Variants in FBXO24 observed in about 807,000 individuals in gnomAD.
FBXO24 encodes the protein F-box only protein 24.
In FBXO24, 30 loss-of-function variants were observed where a neutral mutation model predicts 63.5. The observed-to-expected ratio is 0.47, with a 90% CI of 0.35 to 0.64. FBXO24 has a LOEUF of 0.64. Ranked by LOEUF, FBXO24 falls within the 30% of genes least tolerant of loss-of-function variation. The probability of loss-of-function intolerance (pLI) is 0.00; values close to 1 mark genes in which losing one functional copy is unlikely to be tolerated. For synonymous variants in FBXO24, 300 were observed against 305.0 expected (o/e 0.98, Z 0.17); for missense variants, 624 against 763.4 (o/e 0.82, Z 2.15).
At position 100,600,878 on chromosome 7, in the gene FBXO24, G is replaced by A; in HGVS notation, c.1722G>A (p.Gly574=). Residue 574 remains glycine (G), a synonymous_variant, in exon 10 of 10, where the codon GGG becomes GGA. Coordinates refer to ENST00000241071, the MANE Select transcript of FBXO24 (RefSeq NM_033506.3). This position sits in a 1 kb window ranked among gnomAD's most constrained non-coding sequence, Gnocchi z 6.3. The stretch of plus-strand genomic sequence containing the variant: ...CTGAAGGAGGCGGGGGTGGTGTAGG[G>A]CCCCCAGCCCCTGAGACCTAATCCC... ...QRAEGGGGGV[G]PPAPET 1 of 1,613,144 alleles carries A rather than the reference G, an allele frequency of 6.2e-7. No individual in the cohort carries two copies. The highest frequency in any genetic ancestry group is 1.1e-5 in the South Asian group (1 of 91,040).
At chr7:100,591,293 G>A (rs1487506516) in intron 3 of FBXO24, among the ~76,000 whole-genome samples, 1 of 151,972 alleles carries the variant, frequency 6.6e-6, no homozygotes, top group Non-Finnish European at 1.5e-5. Context: ...GATTACAGGC[G>A]TGCAAAAATT....
In FBXO24 at chr7:100,592,928, T is replaced by C; in HGVS notation, c.704T>C (p.Val235Ala). ...TATCTGCAGTCTAGTGGGCAGCGGG[T>C]CTTCAAGATGACATTCCACCACTCA... ...EVYLQSSGQRVFKMTFHHSMT... is the reference protein window; with the variant it reads ...EVYLQSSGQRAFKMTFHHSMT... The change falls in exon 5 of 10, where the codon GTC (valine) becomes GCC (alanine). Residue 235 changes from valine to alanine, a missense_variant. Val to Ala is a moderately conservative substitution (Grantham distance 64). Around this residue, in one of 3 missense-constraint regions of FBXO24, gnomAD observed 391 missense variants for 469.1 expected, o/e 0.83. Coordinates refer to ENST00000241071, the MANE Select transcript of FBXO24 (RefSeq NM_033506.3). 1.1e-5 allele frequency: 18 copies of C among 1,614,036 alleles called. No homozygotes were observed. The highest frequency in any genetic ancestry group is 1.5e-5 in the Non-Finnish European group (18 of 1,180,010).
At chr7:100,593,437 T>C (rs1342645727) in intron 5 of FBXO24, among the ~76,000 whole-genome samples, 1 of 151,780 alleles carries the variant, frequency 6.6e-6, no homozygotes, top group African/African-American at 2.4e-5. Flanking sequence ...GAGACCAACA[T>C]GGTGAAACCC....
chr7:100,595,514 G>T, intron 7 of FBXO24, 61 bp from the exon 8 acceptor site: 1 of 1,516,546 alleles, frequency 6.6e-7, no homozygotes, highest in South Asian at 1.3e-5. Flanking sequence ...TGGAGACTCT[G>T]GAACTCAGAG....
rs62482222 is a variant in FBXO24 at position 100,600,243 on chromosome 7, G to C, written c.1377+42G>C. The C allele has an allele frequency of 2.7e-6, 4 of 1,476,732 alleles. No individual in the cohort carries two copies. Among genetic ancestry groups the C allele is most frequent in the East Asian group, 2.5e-5 (1 of 40,302 alleles). The allele number at this position is 1,476,732 out of a possible 1,614,324, so 91.5% of individuals were successfully genotyped here. ...GAGAGTGGGCACCCAGGGAGGATGA[G>C]AGCCATGAACCAGGAAGCCCACAGG... On this transcript the variant is annotated intron_variant, in intron 9 of 9. Coordinates refer to ENST00000241071, the MANE Select transcript of FBXO24 (RefSeq NM_033506.3). The surrounding 1 kb of genome is among the most constrained non-coding windows in gnomAD (Gnocchi z 6.3).
At position 100,589,727 on chromosome 7, in the gene FBXO24, C is replaced by CA. The variant is rs1437557389; in HGVS notation, c.40-249dup. The CA allele has an allele frequency of 9.0e-6, 14 of 1,547,312 alleles. No individual in the cohort carries two copies. The South Asian group carries it at 1.7e-4, about 19-fold the overall frequency. ...GCAGGGAGGGGGCAATCAGGATGGT[C>CA]AGGGGAAGCCAGAGACGGAAGCTGC... On this transcript the variant is annotated intron_variant, in intron 1 of 9. Transcript: ENST00000241071.
In FBXO24 at chr7:100,600,734, C is replaced by G; in HGVS notation, c.1578C>G (p.Ile526Met). The change falls in exon 10 of 10, where the codon ATC (isoleucine) becomes ATG (methionine). Residue 526 changes from isoleucine to methionine, a missense_variant. Coordinates refer to ENST00000241071, the MANE Select transcript of FBXO24 (RefSeq NM_033506.3). The surrounding 1 kb of genome is among the most constrained non-coding windows in gnomAD (Gnocchi z 6.3). ...AQACEEYLSQ[I>M]HSCQTLQDRT... ...CCTGCGAGGAGTACCTCAGCCAGAT[C>G]CACAGTTGCCAAACGTTGCAGGACC... 2 of 1,614,186 alleles carry G rather than the reference C, an allele frequency of 1.2e-6. No homozygotes were observed. The highest frequency in any genetic ancestry group is 1.7e-6 in the Non-Finnish European group (2 of 1,180,016).
At chr7:100,591,131 G>A (rs1044655498) in intron 3 of FBXO24, among the ~76,000 whole-genome samples, 3 of 141,864 alleles carry the variant, frequency 2.1e-5, no homozygotes, top group Non-Finnish European at 3.0e-5. Flanking sequence ...TCCACCTCCC[G>A]GGTTCAAGTA....
intron 8 of FBXO24, 150 bp from the exon 9 acceptor site, chr7:100,599,881 C>A: frequency 2.4e-6 from 2 of 821,224 alleles, no homozygotes; most frequent in Non-Finnish European, 3.9e-6. Context: ...CAGGGGTCAG[C>A]AGGGCAGACC....
Position 100,600,860 on chromosome 7 carries a change from A to G in FBXO24, c.1704A>G (p.Gly568=). 1 of 1,613,846 alleles carries G rather than the reference A, an allele frequency of 6.2e-7. No homozygotes were observed. Among genetic ancestry groups the G allele is most frequent in the Non-Finnish European group, 8.5e-7 (1 of 1,179,888 alleles). ...TGGACATGCTGCAGAGGGCTGAAGG[A>G]GGCGGGGGTGGTGTAGGGCCCCCAG... ...EALDMLQRAE[G]GGGGVGPPAP... The change falls in exon 10 of 10, where the codon GGA becomes GGG. Residue 568 remains glycine (G), a synonymous_variant. Transcript: ENST00000241071. This position sits in a 1 kb window ranked among gnomAD's most constrained non-coding sequence, Gnocchi z 6.3.
At position 100,601,017 on chromosome 7, in the gene FBXO24, C is replaced by T; in HGVS notation, c.*118C>T. On this transcript the variant is annotated 3_prime_UTR_variant, in exon 10 of 10. Transcript: ENST00000241071. ...AGGGGTTGCTAGGGGGTGGGGACGG[C>T]TAACCAGGGTAAGAATGTTCAGGGG... The T allele has an allele frequency of 1.4e-6, 2 of 1,426,708 alleles. No homozygotes were observed. The highest frequency in any genetic ancestry group is 1.9e-6 in the Non-Finnish European group (2 of 1,071,960). The allele number at this position is 1,426,708 out of a possible 1,614,324, so 88.4% of individuals were successfully genotyped here. A position where few individuals can be genotyped will look rare whatever the true frequency, so the allele number is the denominator to read the frequency against.
intron 1 of FBXO24, among the ~76,000 whole-genome samples, chr7:100,587,260 C>G (rs957397812): frequency 6.6e-6 from 1 of 152,140 alleles, no homozygotes; most frequent in African/African-American, 2.4e-5. Context: ...CTCCCTTCCT[C>G]TCTTCCTCCC....
intron 8 of FBXO24, among the ~76,000 whole-genome samples, chr7:100,597,539 G>A (rs1019453653): frequency 1.3e-5 from 2 of 151,576 alleles, no homozygotes; most frequent in Admixed American, 6.6e-5. Context: ...GGATTACAGC[G>A]CCCACCACCA....
chr7:100,600,297 G>C lies in FBXO24; in HGVS notation c.1377+96G>C. On this transcript the variant is annotated intron_variant, in intron 9 of 9. Coordinates refer to ENST00000241071, the MANE Select transcript of FBXO24 (RefSeq NM_033506.3). The surrounding 1 kb of genome is among the most constrained non-coding windows in gnomAD (Gnocchi z 6.3). Reference sequence around the variant, plus strand: ...TAGCTGGGGCTCCTGCAGGGACCCAGGGGGTCCCATTTCCCTAGCACCACC... The same window carrying C: ...TAGCTGGGGCTCCTGCAGGGACCCACGGGGTCCCATTTCCCTAGCACCACC... 7.1e-7 allele frequency: 1 copy of C among 1,399,608 alleles called. No homozygotes were observed. The highest frequency in any genetic ancestry group is 9.5e-7 in the Non-Finnish European group (1 of 1,052,834). 86.7% of individuals were successfully genotyped at this position (1,399,608 alleles called of 1,614,324 possible).
chr7:100,597,088 G>A (rs1444361184), intron 8 of FBXO24, among the ~76,000 whole-genome samples: 20 of 152,136 alleles, frequency 1.3e-4, no homozygotes, highest in Non-Finnish European at 4.4e-5. Context: ...ACGTCTAGCT[G>A]GCAATTAGAT....
chr7:100,587,602 CT>C (rs138687549), intron 1 of FBXO24, among the ~76,000 whole-genome samples: 396 of 117,770 alleles, frequency 3.4e-3, no homozygotes, highest in Middle Eastern at 0.015. Flanking sequence ...CGCGCCCGGC[CT>C]TTTTTTTTTT....
rs748944639 is a variant in FBXO24 at position 100,591,766 on chromosome 7, C to T, written c.422C>T (p.Pro141Leu). 1.2e-6 allele frequency: 2 copies of T among 1,614,136 alleles called. No homozygotes were observed. The highest frequency in any genetic ancestry group is 1.7e-6 in the Non-Finnish European group (2 of 1,180,058). The change falls in exon 4 of 10, where the codon CCC becomes CTC. Residue 141 changes from proline to leucine, a missense_variant. Around this residue, in one of 3 missense-constraint regions of FBXO24, gnomAD observed 391 missense variants for 469.1 expected, o/e 0.83. Coordinates refer to ENST00000241071, the MANE Select transcript of FBXO24 (RefSeq NM_033506.3). ...GCCCACGGCTACCGCCGCTTCTTGC[C>T]CACCAAGGATCACGTCTTCATTCTT... ...LLAHGYRRFL[P>L]TKDHVFILDY... is the part of the protein sequence containing the mutation.
In FBXO24 at chr7:100,600,018, C is replaced by A; in HGVS notation, c.1207-13C>A. 6.2e-7 allele frequency: 1 copy of A among 1,604,458 alleles called. No homozygotes were observed. Among genetic ancestry groups the A allele is most frequent in the South Asian group, 1.1e-5 (1 of 89,546 alleles). On this transcript the variant is annotated splice_polypyrimidine_tract_variant and intron_variant, in intron 8 of 9. Coordinates refer to ENST00000241071, the MANE Select transcript of FBXO24 (RefSeq NM_033506.3). This position sits in a 1 kb window ranked among gnomAD's most constrained non-coding sequence, Gnocchi z 6.3. ...GTGCTCCCTGCTCAGGGACCCTGGC[C>A]GTGTGTCCCCAGGTTTGTTACCTGC...
At chr7:100,592,098 A>G (rs1463075330) in intron 4 of FBXO24, 196 bp downstream of exon 4, 5 of 529,618 alleles carry the variant, frequency 9.4e-6, no homozygotes, top group Non-Finnish European at 1.7e-5. Flanking sequence ...GTCTCTACTA[A>G]AAATACAAAA....
Sources: gnomAD v4.1 joint callset for allele counts (sites outside exome capture counted in the v4.1 genomes callset) on GRCh38, gnomAD v4.1.1 for gene constraint, gnomAD v4.1.1 regional missense constraint, Gnocchi (gnomAD v3.1) non-coding constraint, MANE v1.5 for transcripts, NCBI Gene and HGNC (gene_info 2026-07-23, HGNC 2026-07-21) for gene names.